Variants in NEB observed in about 807,000 individuals in gnomAD.
NEB encodes the protein nemaline myopathy type 2.
NEB carries 512 observed loss-of-function variants against 952.2 expected under a neutral mutation model. That is an observed-to-expected ratio of 0.54 (90% CI 0.50 to 0.58). The LOEUF is 0.58. Ranked by LOEUF, NEB falls within the 20% of genes least tolerant of loss-of-function variation. NEB has a pLI of 0.00. For synonymous variants in NEB, 2,900 were observed against 3,149.8 expected, an observed-to-expected ratio of 0.92 and a Z score of 2.66; for missense variants, 8,428 against 9,231.1, an observed-to-expected ratio of 0.91 and a Z score of 3.56.
intron 61 of NEB, 82 bp from the exon 62 acceptor site, chr2:151,640,142 G>A: frequency 6.6e-7 from 1 of 1,521,748 alleles, no homozygotes; most frequent in Non-Finnish European, 9.0e-7. Context: ...TCAAGTAAAA[G>A]CACTCTCAAA....
At chr2:151,504,883 A>G (rs898028308) in intron 165 of NEB, among the ~76,000 whole-genome samples, 6 of 152,118 alleles carry the variant, frequency 3.9e-5, no homozygotes, top group Admixed American at 1.3e-4. Context: ...GGCTTAATGT[A>G]TAATATACCA....
intron 124 of NEB, among the ~76,000 whole-genome samples, chr2:151,557,373 T>C (rs796261435): frequency 6.6e-6 from 1 of 152,168 alleles, no homozygotes; most frequent in Non-Finnish European, 1.5e-5. Context: ...GAGGCAGTAA[T>C]TAATAGCCTC....
chr2:151,639,874 C>T lies in NEB; in HGVS notation c.8872G>A (p.Ala2958Thr). Residue 2958 changes from alanine (A) to threonine (T), a missense_variant, in exon 62 of 182, where the codon GCC (alanine) becomes ACC (threonine). By Grantham distance (58) the Ala-to-Thr change is moderately conservative. Transcript: ENST00000397345. ...AGTCTCACCTTGTTCATAGTGATGG[C>T]ATTATTTTTGGCCAACACTTGTTCC... The part of the protein sequence containing the change: ...SLEQVLAKNN[A>T]ITMNKRLYTE... The T allele has an allele frequency of 6.2e-7, 1 of 1,613,442 alleles. No individual in the cohort carries two copies. The highest frequency in any genetic ancestry group is 8.5e-7 in the Non-Finnish European group (1 of 1,179,642).
intron 12 of NEB, among the ~76,000 whole-genome samples, chr2:151,709,282 C>T (rs866051307): frequency 1.7e-4 from 26 of 152,294 alleles, no homozygotes; most frequent in Middle Eastern, 3.4e-3. Context: ...TCTAAGATTA[C>T]AATCTTTCTC....
rs370685957 is a variant in NEB, at chr2:151,625,529, C to T, written c.10452+5G>A. On this transcript the variant is annotated splice_donor_5th_base_variant and intron_variant, in intron 71 of 181. Coordinates refer to ENST00000397345, the MANE Select transcript of NEB (RefSeq NM_001164508.2). Reference sequence around the variant, plus strand: ...AGACCAAAGAAATAAAACAAATGATCTTACCTCACTATAATTTATTTTATT... The same window carrying T: ...AGACCAAAGAAATAAAACAAATGATTTTACCTCACTATAATTTATTTTATT... 4 of 1,568,426 alleles carry T rather than the reference C, an allele frequency of 2.6e-6. No individual in the cohort carries two copies. In the Admixed American group the frequency reaches 6.8e-5, roughly 27 times the overall value.
At chr2:151,510,905 G>T (rs1407651581) in intron 161 of NEB, among the ~76,000 whole-genome samples, 1 of 152,182 alleles carries the variant, frequency 6.6e-6, no homozygotes, top group Non-Finnish European at 1.5e-5. Context: ...TATAAATACA[G>T]ATTCTCCATT....
chr2:151,613,365 A>G (rs1450352831), intron 77 of NEB, among the ~76,000 whole-genome samples: 1 of 152,250 alleles, frequency 6.6e-6, no homozygotes, highest in Non-Finnish European at 1.5e-5. Context: ...CAAAATTATA[A>G]TGCAATTGAT....
chr2:151,493,764 T>G lies in NEB; in HGVS notation c.24672+11A>C. ...AAGATTTTAAGGATTTATTTTTCCT[T>G]TCTAAAATACCGAGCTAAAGTTTTC... On this transcript the variant is annotated intron_variant, in intron 175 of 181. Coordinates refer to ENST00000397345, the MANE Select transcript of NEB (RefSeq NM_001164508.2). 2 of 1,525,820 alleles carry G rather than the reference T, an allele frequency of 1.3e-6. No homozygotes were observed. The highest frequency in any genetic ancestry group is 1.8e-6 in the Non-Finnish European group (2 of 1,118,642). 94.5% of individuals were successfully genotyped at this position (1,525,820 alleles called of 1,614,324 possible).
chr2:151,513,655 T>C lies in NEB; in HGVS notation c.23166A>G (p.Gly7722=). 6.2e-7 allele frequency: 1 copy of C among 1,608,564 alleles called. No individual in the cohort carries two copies. Among genetic ancestry groups the C allele is most frequent in the African/African-American group, 1.3e-5 (1 of 75,006 alleles). Residue 7722 remains glycine, a synonymous_variant, in exon 160 of 182, where the codon GGA becomes GGG. Coordinates refer to ENST00000397345, the MANE Select transcript of NEB (RefSeq NM_001164508.2). The part of the protein sequence containing the change: ...YKRDLELEVK[G]RGLNAMANET... ...CATTGGCCATGGCATTCAGGCCTCT[T>C]CCTTTGACTTCCAGTTCCAGGTCTC...
At chr2:151,520,577 G>T (rs886495321) in intron 153 of NEB, among the ~76,000 whole-genome samples, 3 of 152,120 alleles carry the variant, frequency 2.0e-5, no homozygotes, top group African/African-American at 4.8e-5. Context: ...ATCTAAAGAG[G>T]ATGATAGCCA....
In NEB at chr2:151,549,713, G is replaced by T; in HGVS notation, c.19972C>A (p.Leu6658Met). The change falls in exon 130 of 182, where the codon CTG (leucine) becomes ATG (methionine). Residue 6658 changes from leucine to methionine, a missense_variant. Leu to Met is a conservative substitution (Grantham distance 15). Around this residue, in one of 11 missense-constraint regions of NEB, gnomAD observed 3,374 missense variants for 3,651.5 expected, o/e 0.92. Coordinates refer to ENST00000397345, the MANE Select transcript of NEB (RefSeq NM_001164508.2). ...SNLYKTSLRT[L>M]PTGYRLPGDT... ...CCTGGAAGTCTATATCCAGTGGGCA[G>T]GGTGCGCAGGCTGGTTTTGTATAGA... 6.3e-7 allele frequency: 1 copy of T among 1,593,944 alleles called. No individual in the cohort carries two copies. The highest frequency in any genetic ancestry group is 8.6e-7 in the Non-Finnish European group (1 of 1,169,366).
Position 151,692,180 on chromosome 2 carries a change from CA to C in NEB, c.1999-15del. The C allele has an allele frequency of 6.2e-7, 1 of 1,611,364 alleles. No individual in the cohort carries two copies. Among genetic ancestry groups the C allele is most frequent in the Non-Finnish European group, 8.5e-7 (1 of 1,177,586 alleles). ...TTTATATCTAGCCTGAAAAATAAAA[CA>C]AATGTAATTCAAGTTAACAATCATT... is the stretch of plus-strand genomic sequence containing the variant. On this transcript the variant is annotated splice_polypyrimidine_tract_variant and intron_variant, in intron 21 of 181. Coordinates refer to ENST00000397345, the MANE Select transcript of NEB (RefSeq NM_001164508.2).
In NEB at chr2:151,626,982, C is replaced by T; in HGVS notation, c.10347+20G>A. ...ATGACATATAGCCCTGTCTTATTTT[C>T]CTACAAATTGGGGGCTCACCTTGTT... On this transcript the variant is annotated intron_variant, in intron 70 of 181. Coordinates refer to ENST00000397345, the MANE Select transcript of NEB (RefSeq NM_001164508.2). 1 of 1,612,402 alleles carries T rather than the reference C, an allele frequency of 6.2e-7. No homozygotes were observed. Among genetic ancestry groups the T allele is most frequent in the Non-Finnish European group, 8.5e-7 (1 of 1,178,584 alleles).
intron 55 of NEB, among the ~76,000 whole-genome samples, chr2:151,645,544 T>C (rs2098945477): frequency 6.6e-6 from 1 of 152,246 alleles, no homozygotes; most frequent in Non-Finnish European, 1.5e-5. Context: ...AACCAGATTA[T>C]TTAAAGTGCC....
intron 54 of NEB, 54 bp from the exon 55 acceptor site, chr2:151,646,288 C>T (rs949435142): frequency 3.9e-6 from 5 of 1,292,530 alleles, no homozygotes; most frequent in Middle Eastern, 1.9e-4. Context: ...GTGAATGATA[C>T]AGTTGGCTTC....
At chr2:151,686,488 G>A (rs938453985) in intron 27 of NEB, among the ~76,000 whole-genome samples, 1 of 152,128 alleles carries the variant, frequency 6.6e-6, no homozygotes, top group Non-Finnish European at 1.5e-5. Context: ...CTCAACTAGT[G>A]AACAAGATAG....
chr2:151,615,813 T>C (rs943217533), intron 76 of NEB, 189 bp downstream of exon 76: 7 of 506,888 alleles, frequency 1.4e-5, no homozygotes, highest in African/African-American at 1.0e-4. Context: ...TTTTGATTGA[T>C]TGATGGGTAT....
chr2:151,572,677 C>T lies in NEB; in HGVS notation c.17014-2076G>A, dbSNP rs149299471. Among the ~76,000 whole-genome samples the T allele has an allele frequency of 3.2e-3, 486 of 150,478 alleles. 9 individuals carry two copies. In the East Asian group the frequency reaches 0.048, roughly 15 times the overall value. On this transcript the variant is annotated intron_variant, in intron 107 of 181. Transcript: ENST00000397345. ...TCTTGTGCCTCAGCCACCCAAGTAG[C>T]TGGGATTACAGGTGAGCCACCACTA...
chr2:151,560,745 G>A (rs754463499), intron 123 of NEB, 46 bp from the exon 124 acceptor site: 1 of 1,441,430 alleles, frequency 6.9e-7, no homozygotes, highest in South Asian at 1.2e-5. Context: ...AAATGCATCT[G>A]GTTAGCTTCT....
Sources: gnomAD v4.1 joint callset for allele counts (sites outside exome capture counted in the v4.1 genomes callset) on GRCh38, gnomAD v4.1.1 for gene constraint, gnomAD v4.1.1 regional missense constraint, MANE v1.5 for transcripts, NCBI Gene and HGNC (gene_info 2026-07-23, HGNC 2026-07-21) for gene names.